Variants in ZNF117 observed in about 807,000 individuals in gnomAD.
The protein encoded by ZNF117 is Krueppel-related zinc finger protein.
Under a neutral mutation model 41.2 loss-of-function variants are expected in ZNF117, and 37 were observed. The ratio of observed to expected loss-of-function variants is 0.90; its 90% confidence interval spans 0.69 to 1.18. The LOEUF is 1.18. Among genes scored for constraint, ZNF117 ranks in the 50% most tolerant of loss-of-function variants. The probability of loss-of-function intolerance (pLI) is 0.00; values close to 1 mark genes in which losing one functional copy is unlikely to be tolerated. For synonymous variants in ZNF117, 186 were observed against 186.6 expected (o/e 1.00, Z 0.02); for missense variants, 546 against 557.5 (o/e 0.98, Z 0.21).
downstream of ZNF117, chr7:64,973,981 A>G (rs1785823691): frequency 6.6e-6 from 1 of 151,960 alleles, no homozygotes; most frequent in African/African-American, 2.4e-5. Context: ...AAGCACTGTC[A>G]TATTTGTTTG....
At chr7:64,984,178 C>A (rs1786088403), upstream of ZNF117, among the ~76,000 whole-genome samples, 2 of 152,094 alleles carry the variant, frequency 1.3e-5, no homozygotes, top group African/African-American at 2.4e-5. Context: ...GTCATCCAGG[C>A]TGGAGTGTAG....
At chr7:64,980,270 G>A (rs1785998293) in intron 2 of ZNF117, 2 of 151,980 alleles carry the variant, frequency 1.3e-5, no homozygotes. Flanking sequence ...GTGACAGGTA[G>A]CTTGTTTTTA....
intron 1 of ZNF117, among the ~76,000 whole-genome samples, chr7:64,988,276 C>G (rs1041064979): frequency 1.3e-5 from 2 of 152,074 alleles, no homozygotes; most frequent in Non-Finnish European, 2.9e-5. Context: ...TAGGCTTTAT[C>G]CCTGGGATAT....
exon 3 of ZNF117, chr7:64,975,785 TTA>T (rs552066299): frequency 4.3e-4 from 66 of 152,288 alleles, no homozygotes; most frequent in African/African-American, 1.6e-3. Context: ...AGCACACTGA[TTA>T]GTTCAATGTC....
upstream of ZNF117, among the ~76,000 whole-genome samples, chr7:64,986,607 C>A (rs142362775): frequency 0.016 from 2,476 of 152,258 alleles, 40 homozygotes; most frequent in South Asian, 0.077. Flanking sequence ...GGGTAAAGAT[C>A]TTGCAGCTCA....
exon 3 of ZNF117, chr7:64,978,530 G>T: frequency 6.2e-7 from 1 of 1,609,752 alleles, no homozygotes; most frequent in Non-Finnish European, 8.5e-7. Context: ...GTCTAGTAAG[G>T]TTTGAGAGTT....
rs35408973 is a variant in ZNF117 at position 64,987,831 on chromosome 7, A to C, written c.-196+2116T>G. Among the ~76,000 whole-genome samples, 132 of 85,410 alleles carry C rather than the reference A, an allele frequency of 1.5e-3. 3 individuals are homozygous for C. In the South Asian group the frequency reaches 0.019, roughly 12 times the overall value. The allele number at this position is 85,410 out of a possible 152,430, so 56.0% of individuals were successfully genotyped here. ...AGACCCCGTTCTCCACAAAAAGGAA[A>C]AAAAAAAAAAAAAGACCAAAAAAAT... On this transcript the variant is annotated intron_variant, in intron 1 of 3. Transcript: ENST00000282869.
chr7:64,981,618 T>G, intron 1 of ZNF117, 136 bp from the exon 3 acceptor site: 2 of 790,174 alleles, frequency 2.5e-6, no homozygotes, highest in Non-Finnish European at 3.8e-6. Flanking sequence ...AACAAAAATT[T>G]CTAAAGATTT....
At chr7:64,980,423 ATG>A (rs1467122186) in intron 2 of ZNF117, 1 of 151,382 alleles carries the variant, frequency 6.6e-6, no homozygotes, top group African/African-American at 2.4e-5. Flanking sequence ...TACTCCATGA[ATG>A]AAATAGAAAC....
downstream of ZNF117, chr7:64,972,167 G>GA (rs1785794672): frequency 6.6e-6 from 1 of 152,032 alleles, no homozygotes; most frequent in African/African-American, 2.4e-5. Context: ...AAAAAGAAAA[G>GA]AAAGTGTTAG....
upstream of ZNF117, among the ~76,000 whole-genome samples, chr7:64,984,467 G>A (rs748728359): frequency 2.8e-4 from 43 of 152,274 alleles, no homozygotes; most frequent in Middle Eastern, 3.4e-3. Flanking sequence ...TTTGCATCAT[G>A]GTGAACTGTA....
chr7:64,978,265 T>C (rs1271059022), exon 3 of ZNF117: 2 of 1,595,532 alleles, frequency 1.3e-6, no homozygotes, highest in African/African-American at 1.3e-5. Context: ...TGAATTCTCT[T>C]ATGTCCAATA....
At chr7:64,974,026 T>C (rs1785824287), downstream of ZNF117, 1 of 151,948 alleles carries the variant, frequency 6.6e-6, no homozygotes, top group Admixed American at 6.6e-5. Flanking sequence ...TCATGACTTA[T>C]GAAGCATTCC....
chr7:64,983,570 C>G (rs572916017), upstream of ZNF117, among the ~76,000 whole-genome samples: 1 of 152,028 alleles, frequency 6.6e-6, no homozygotes, highest in East Asian at 1.9e-4. Context: ...CTATCTGAGA[C>G]ATATTAAGCT....
At chr7:64,990,566 A>C (rs1213730533) in exon 1 of ZNF117, 1 of 152,550 alleles carries the variant, frequency 6.6e-6, no homozygotes, top group Non-Finnish European at 1.5e-5. Context: ...GTTTTACAAC[A>C]GGATTTGCAA....
At chr7:64,979,417 C>T (rs541471292) in exon 3 of ZNF117, 1 of 1,610,110 alleles carries the variant, frequency 6.2e-7, no homozygotes, top group African/African-American at 1.3e-5. Flanking sequence ...CTTTTACAGC[C>T]TTTTCTTAAC....
rs1172231479 is a variant in ZNF117, at chr7:64,981,482, C to A, written c.-62G>T. ...CAGGTCTGGCTTAGAGACAGCAATA[C>A]CTGTTTTATTGAAAATAAATAACAT... On this transcript the variant is annotated splice_region_variant and 5_prime_UTR_variant, in exon 2 of 3. Transcript: ENST00000620222. 3.8e-6 allele frequency: 6 copies of A among 1,577,476 alleles called. No homozygotes were observed. In the East Asian group the frequency reaches 6.7e-5, roughly 18 times the overall value.
Position 64,979,545 on chromosome 7 carries a change from A to C in ZNF117, c.35-9T>G. The C allele has an allele frequency of 6.9e-7, 1 of 1,458,272 alleles. No individual in the cohort carries two copies. Among genetic ancestry groups the C allele is most frequent in the Non-Finnish European group, 9.1e-7 (1 of 1,102,270 alleles). The allele number at this position is 1,458,272 out of a possible 1,614,324, so 90.3% of individuals were successfully genotyped here. A position where few individuals can be genotyped will look rare whatever the true frequency, so the allele number is the denominator to read the frequency against. ...AAAATAATAAAACATAACTGAAAGA[A>C]ATAAAAGTAACAAACTACTTCACTT... On this transcript the variant is annotated splice_polypyrimidine_tract_variant and intron_variant, in intron 2 of 2. Coordinates refer to ENST00000620222, the Ensembl canonical transcript of ZNF117.
chr7:64,979,716 T>C (rs1785984028), intron 2 of ZNF117, among the ~76,000 whole-genome samples, 180 bp from the exon 4 acceptor site: 1 of 152,030 alleles, frequency 6.6e-6, no homozygotes, highest in Admixed American at 6.6e-5. Context: ...AAAATGCATT[T>C]ATAGAAAATT....
Sources: allele counts gnomAD v4.1 joint callset (sites outside exome capture counted in the v4.1 genomes callset), GRCh38; gene constraint gnomAD v4.1.1; transcripts MANE v1.5; gene names NCBI Gene and HGNC (gene_info 2026-07-23, HGNC 2026-07-21).